Variants in HHAT observed in about 807,000 individuals in gnomAD.
HHAT encodes the protein protein-cysteine N-palmitoyltransferase HHAT.
HHAT carries 47 observed loss-of-function variants against 70.8 expected under a neutral mutation model. That is an observed-to-expected ratio of 0.66 (90% CI 0.53 to 0.85). The LOEUF is 0.85. HHAT is among the 40% of genes least tolerant of loss of function. The pLI, the probability that HHAT is intolerant of heterozygous loss-of-function variation, is 0.00. For missense variants in HHAT, 609 were observed against 604.8 expected, an observed-to-expected ratio of 1.01 and a Z score of -0.07; for synonymous variants, 228 against 247.6, an observed-to-expected ratio of 0.92 and a Z score of 0.74.
In HHAT at chr1:210,400,593, G is replaced by C; in HGVS notation, c.399G>C (p.Gln133His). ...TCTGCGTGGCCCAGTTCCGGTCTCA[G>C]CTCCTGACGTGGCTCTGTTCTCTCC... ...ISFCVAQFRS[Q>H]LLTWLCSLLL... Residue 133 changes from glutamine to histidine, a missense_variant, in exon 5 of 12, where the codon CAG becomes CAC. Transcript: ENST00000261458. The C allele has an allele frequency of 6.2e-7, 1 of 1,614,184 alleles. No homozygotes were observed. The highest frequency in any genetic ancestry group is 1.7e-5 in the Admixed American group (1 of 60,032).
intron 5 of HHAT, 42 bp downstream of exon 5, chr1:210,400,704 C>T (rs749353529): frequency 6.4e-6 from 10 of 1,573,600 alleles, no homozygotes; most frequent in Non-Finnish European, 8.6e-6. Context: ...AGAGAAGGCC[C>T]CTTTGGCTTT....
intron 6 of HHAT, 35 bp from the exon 7 acceptor site, chr1:210,418,119 G>C: frequency 6.2e-7 from 1 of 1,604,964 alleles, no homozygotes; most frequent in African/African-American, 1.3e-5. Context: ...AGGAATCAAG[G>C]CACCATCGAA....
At chr1:210,412,286 T>C (rs1004573181) in intron 6 of HHAT, among the ~76,000 whole-genome samples, 1 of 152,206 alleles carries the variant, frequency 6.6e-6, no homozygotes, top group Non-Finnish European at 1.5e-5. Context: ...TGAAAATTAA[T>C]GGCCTCCTTA....
At chr1:210,387,126 T>C (rs1209264218) in intron 3 of HHAT, among the ~76,000 whole-genome samples, 1 of 152,126 alleles carries the variant, frequency 6.6e-6, no homozygotes, top group Non-Finnish European at 1.5e-5. Flanking sequence ...TGTTTCATGT[T>C]TTGCAAAATG....
chr1:210,557,029 C>G (rs1241712502), intron 9 of HHAT, among the ~76,000 whole-genome samples: 2 of 152,190 alleles, frequency 1.3e-5, no homozygotes, highest in Admixed American at 6.5e-5. Flanking sequence ...GTCACCCACA[C>G]TCACAGCAGG....
At chr1:210,405,935 T>C (rs2092311218) in intron 6 of HHAT, among the ~76,000 whole-genome samples, 1 of 152,220 alleles carries the variant, frequency 6.6e-6, no homozygotes, top group Non-Finnish European at 1.5e-5. Flanking sequence ...GCTGATCTTC[T>C]AACTCAATGA....
intron 11 of HHAT, among the ~76,000 whole-genome samples, chr1:210,664,670 A>G (rs1678505730): frequency 6.6e-6 from 1 of 151,884 alleles, no homozygotes; most frequent in South Asian, 2.1e-4. Flanking sequence ...AACAAATGGC[A>G]GGGCACAGGC....
intron 11 of HHAT, chr1:210,631,217 C>G (rs1166132736): frequency 9.4e-5 from 40 of 424,736 alleles, no homozygotes; most frequent in South Asian, 1.7e-5. Flanking sequence ...CTACTCTTCT[C>G]TCTCTGCTCT....
intron 2 of HHAT, among the ~76,000 whole-genome samples, chr1:210,354,948 C>A (rs1294568132): frequency 4.6e-5 from 7 of 152,132 alleles, no homozygotes; most frequent in South Asian, 2.1e-4. Flanking sequence ...TATAATGTGT[C>A]TTTCTATCCA....
chr1:210,332,993 T>C (rs2147906594), intron 1 of HHAT, among the ~76,000 whole-genome samples: 1 of 152,270 alleles, frequency 6.6e-6, no homozygotes, highest in South Asian at 2.1e-4. Flanking sequence ...GAGACAAATG[T>C]GCAGTGCAGG....
At chr1:210,335,442 AT>A (rs1558301980) in intron 1 of HHAT, among the ~76,000 whole-genome samples, 1 of 152,152 alleles carries the variant, frequency 6.6e-6, no homozygotes, top group African/African-American at 2.4e-5. Context: ...ATCCCGGCAA[AT>A]TTTTTCTTCA....
intron 10 of HHAT, among the ~76,000 whole-genome samples, chr1:210,604,497 G>T (rs550282452): frequency 8.7e-4 from 132 of 152,204 alleles, no homozygotes; most frequent in African/African-American, 3.1e-3. Flanking sequence ...CACATACACA[G>T]AAAAGTATGT....
chr1:210,442,719 T>G (rs12142417), intron 7 of HHAT, among the ~76,000 whole-genome samples: 50,294 of 152,020 alleles, frequency 0.33, 8,867 homozygotes, highest in East Asian at 0.43. Context: ...TCTTGTAAAT[T>G]TGTTTGAGTT....
intron 3 of HHAT, among the ~76,000 whole-genome samples, chr1:210,375,766 T>C (rs1030816684): frequency 6.6e-6 from 1 of 152,030 alleles, no homozygotes; most frequent in Non-Finnish European, 1.5e-5. Context: ...CTTTTGTTCT[T>C]ATATCAAGGG....
chr1:210,508,281 A>G (rs770595819), intron 8 of HHAT, among the ~76,000 whole-genome samples: 7 of 151,938 alleles, frequency 4.6e-5, no homozygotes. Context: ...TGTAATAATA[A>G]TGATAATAGA....
chr1:210,399,426 G>T lies in HHAT; in HGVS notation c.274-1042G>T, dbSNP rs143443103. Reference sequence around the variant, plus strand: ...CACCTACCATACCTGGCTAATTTTTGTATTTTTAGTAGAGATGGGGTTTTG... The same window carrying T: ...CACCTACCATACCTGGCTAATTTTTTTATTTTTAGTAGAGATGGGGTTTTG... On this transcript the variant is annotated intron_variant, in intron 4 of 11. Coordinates refer to ENST00000261458, the MANE Select transcript of HHAT (RefSeq NM_018194.6). Among the ~76,000 whole-genome samples the T allele has an allele frequency of 5.8e-3, 885 of 152,148 alleles. 7 individuals are homozygous for T. Among genetic ancestry groups the T allele is most frequent in the African/African-American group, 0.019 (790 of 41,498 alleles).
chr1:210,654,586 A>G (rs893497119), intron 11 of HHAT, among the ~76,000 whole-genome samples: 4 of 152,234 alleles, frequency 2.6e-5, no homozygotes, highest in African/African-American at 9.6e-5. Context: ...GCAGCCTTTT[A>G]ATCGCTGGTA....
At chr1:210,467,568 T>G (rs1029331107) in intron 8 of HHAT, among the ~76,000 whole-genome samples, 1 of 152,174 alleles carries the variant, frequency 6.6e-6, no homozygotes, top group Non-Finnish European at 1.5e-5. Context: ...TAGATTTAGG[T>G]TTGAGACAAA....
At chr1:210,438,037 T>C (rs2093419979) in intron 7 of HHAT, among the ~76,000 whole-genome samples, 1 of 151,904 alleles carries the variant, frequency 6.6e-6, no homozygotes, top group African/African-American at 2.4e-5. Flanking sequence ...ACAGAGCTGT[T>C]TCCCCTCCTC....
Sources: allele counts gnomAD v4.1 joint callset (sites outside exome capture counted in the v4.1 genomes callset), GRCh38; gene constraint gnomAD v4.1.1; transcripts MANE v1.5; gene names NCBI Gene and HGNC (gene_info 2026-07-23, HGNC 2026-07-21).